The following KCNIP4 variants were observed in gnomAD, a reference collection of about 807,000 sequenced individuals.
KCNIP4 encodes potassium voltage-gated channel interacting protein 4.
In KCNIP4, 12 loss-of-function variants were observed where a neutral mutation model predicts 34.0. The ratio of observed to expected loss-of-function variants is 0.35; its 90% confidence interval spans 0.23 to 0.57. The LOEUF (loss-of-function observed/expected upper bound fraction) is 0.57. KCNIP4 is among the 20% of genes least tolerant of loss of function. The pLI is 0.83. For synonymous variants in KCNIP4, 124 were observed against 102.2 expected, an observed-to-expected ratio of 1.21 and a Z score of -1.29; for missense variants, 238 against 311.7, an observed-to-expected ratio of 0.76 and a Z score of 1.78.
intron 1 of KCNIP4, among the ~76,000 whole-genome samples, chr4:21,451,767 G>A (rs1042892821): frequency 3.2e-4 from 48 of 151,998 alleles, no homozygotes; most frequent in Admixed American, 9.2e-4. Flanking sequence ...TGTAATTTTC[G>A]CTAAAGGACA....
At chr4:21,043,292 T>C (rs923847046) in intron 1 of KCNIP4, among the ~76,000 whole-genome samples, 13 of 152,182 alleles carry the variant, frequency 8.5e-5, no homozygotes, top group Non-Finnish European at 1.9e-4. Flanking sequence ...CACTGATTTA[T>C]GCTTTTTAAG....
At chr4:20,902,613 G>A (rs974170277) in intron 1 of KCNIP4, among the ~76,000 whole-genome samples, 17 of 152,024 alleles carry the variant, frequency 1.1e-4, no homozygotes, top group Non-Finnish European at 1.8e-4. Context: ...ACCACCTCCC[G>A]GGTTCACGTG....
chr4:21,739,079 C>T (rs7689554), intron 1 of KCNIP4, among the ~76,000 whole-genome samples: 13,803 of 152,078 alleles, frequency 0.091, 2,113 homozygotes, highest in African/African-American at 0.32. Context: ...TTGGCCACTA[C>T]ATTTTGCTGA....
At chr4:21,389,184 T>G (rs895548727) in intron 1 of KCNIP4, among the ~76,000 whole-genome samples, 1 of 152,072 alleles carries the variant, frequency 6.6e-6, no homozygotes, top group African/African-American at 2.4e-5. Context: ...TTTCACCGTG[T>G]TGCCCAGGCA....
At chr4:21,445,449 G>T (rs1577371561) in intron 1 of KCNIP4, among the ~76,000 whole-genome samples, 1 of 152,258 alleles carries the variant, frequency 6.6e-6, no homozygotes, top group Non-Finnish European at 1.5e-5. Flanking sequence ...GAACAGAACA[G>T]AGCCCTCAGA....
At chr4:21,888,571 C>T (rs1197731349) in intron 1 of KCNIP4, among the ~76,000 whole-genome samples, 1 of 152,032 alleles carries the variant, frequency 6.6e-6, no homozygotes, top group African/African-American at 2.4e-5. Flanking sequence ...GATTAGGAGC[C>T]ACTCTCCTCA....
chr4:21,183,628 A>G (rs1755007801), intron 1 of KCNIP4, among the ~76,000 whole-genome samples: 1 of 151,956 alleles, frequency 6.6e-6, no homozygotes, highest in South Asian at 2.1e-4. Context: ...CATATCTGCC[A>G]GTACTTGTCA....
intron 1 of KCNIP4, among the ~76,000 whole-genome samples, chr4:21,861,021 C>T (rs1006429421): frequency 1.3e-5 from 2 of 152,124 alleles, no homozygotes; most frequent in Non-Finnish European, 2.9e-5. Flanking sequence ...ACAAACTATT[C>T]AAGAATATCA....
At chr4:21,839,816 C>T (rs770982901) in intron 1 of KCNIP4, among the ~76,000 whole-genome samples, 2 of 151,972 alleles carry the variant, frequency 1.3e-5, no homozygotes, top group Non-Finnish European at 2.9e-5. Flanking sequence ...TTGAAGAATG[C>T]GGACCAATGC....
chr4:20,766,480 C>T (rs1044455161), intron 3 of KCNIP4, among the ~76,000 whole-genome samples: 1 of 152,174 alleles, frequency 6.6e-6, no homozygotes, highest in African/African-American at 2.4e-5. Flanking sequence ...GCAGGAGACT[C>T]ACTTGAATCT....
chr4:21,148,399 A>G (rs2109236428), intron 1 of KCNIP4, among the ~76,000 whole-genome samples: 1 of 152,154 alleles, frequency 6.6e-6, no homozygotes, highest in South Asian at 2.1e-4. Flanking sequence ...CACTACTAAA[A>G]CCATATTTGG....
chr4:21,205,005 G>T (rs989643326), intron 1 of KCNIP4, among the ~76,000 whole-genome samples: 1 of 152,120 alleles, frequency 6.6e-6, no homozygotes, highest in African/African-American at 2.4e-5. Flanking sequence ...TCCACTGGGA[G>T]GTAAGAAAAG....
intron 1 of KCNIP4, among the ~76,000 whole-genome samples, chr4:21,589,199 T>C (rs1560540313): frequency 2.3e-4 from 5 of 21,782 alleles, no homozygotes; most frequent in East Asian, 0.012. Flanking sequence ...TATATATATA[T>C]ATGTGTACAT....
intron 1 of KCNIP4, among the ~76,000 whole-genome samples, chr4:21,048,957 T>A (rs1324498101): frequency 7.0e-6 from 1 of 143,612 alleles, no homozygotes; most frequent in Non-Finnish European, 1.5e-5. Flanking sequence ...TTTTTTTTTT[T>A]TTTTTTTTTT....
chr4:20,754,587 A>G (rs1218476527), intron 4 of KCNIP4, among the ~76,000 whole-genome samples: 1 of 152,226 alleles, frequency 6.6e-6, no homozygotes, highest in Admixed American at 6.5e-5. Flanking sequence ...GCAAATCATA[A>G]TTCTTTAAAA....
intron 1 of KCNIP4, among the ~76,000 whole-genome samples, chr4:21,798,922 A>C (rs942529032): frequency 5.9e-5 from 9 of 152,182 alleles, no homozygotes; most frequent in Non-Finnish European, 1.2e-4. Context: ...CATATATAAT[A>C]AAATTCATTT....
At chr4:21,713,528 A>G (rs1200801979) in intron 1 of KCNIP4, among the ~76,000 whole-genome samples, 1 of 152,230 alleles carries the variant, frequency 6.6e-6, no homozygotes, top group Non-Finnish European at 1.5e-5. Flanking sequence ...TGCTACCTGC[A>G]TAGAAAGTGT....
chr4:20,849,098 T>C (rs1202883983), intron 3 of KCNIP4, among the ~76,000 whole-genome samples: 1 of 152,176 alleles, frequency 6.6e-6, no homozygotes, highest in African/African-American at 2.4e-5. Context: ...CAAAACCCTT[T>C]TCCCTTTATG....
chr4:21,364,357 G>A (rs1304040265), intron 1 of KCNIP4, among the ~76,000 whole-genome samples: 2 of 152,122 alleles, frequency 1.3e-5, no homozygotes, highest in African/African-American at 2.4e-5. Flanking sequence ...TTTCTGCCAA[G>A]AGGAATATAT....
Sources: allele counts gnomAD v4.1 joint callset (sites outside exome capture counted in the v4.1 genomes callset), GRCh38; gene constraint gnomAD v4.1.1; transcripts MANE v1.5; gene names NCBI Gene and HGNC (gene_info 2026-07-23, HGNC 2026-07-21).